Variants in FBXL17 observed in about 807,000 individuals in gnomAD.
The protein encoded by FBXL17 is F-box and leucine rich repeat protein 17, also known as F-box/LRR-repeat protein 17.
FBXL17 carries 22 observed loss-of-function variants against 66.2 expected under a neutral mutation model. The observed-to-expected ratio is 0.33, with a 90% CI of 0.24 to 0.47. The LOEUF (loss-of-function observed/expected upper bound fraction) is 0.47. Among genes scored for constraint, FBXL17 ranks in the 20% least tolerant of loss-of-function variants. The probability of loss-of-function intolerance (pLI) is 1.00; values close to 1 mark genes in which losing one functional copy is unlikely to be tolerated. For missense variants in FBXL17, 878 were observed against 948.2 expected, an observed-to-expected ratio of 0.93 and a Z score of 0.97; for synonymous variants, 474 against 400.5, an observed-to-expected ratio of 1.18 and a Z score of -2.19.
rs1474456848 is a variant in FBXL17, at chr5:108,376,052, A to G, written c.993+4647T>C. On this transcript the variant is annotated intron_variant, in intron 1 of 8. Transcript: ENST00000542267. ...ACATGATCATCTCAACTGATTCAGG[A>G]AAAAGCACTGGACAAAATCTAATAC... 5.3e-5 allele frequency among the ~76,000 whole-genome samples: 8 copies of G among 152,236 alleles called. No individual in the cohort carries two copies. The South Asian group carries it at 1.0e-3, about 20-fold the overall frequency.
At chr5:108,012,785 G>A (rs1001082532) in intron 7 of FBXL17, among the ~76,000 whole-genome samples, 4 of 152,170 alleles carry the variant, frequency 2.6e-5, no homozygotes, top group African/African-American at 9.7e-5. Context: ...GGAGGCCAAG[G>A]CAGGCGGATC....
At chr5:108,032,237 A>G (rs1299849797) in intron 6 of FBXL17, among the ~76,000 whole-genome samples, 1 of 151,470 alleles carries the variant, frequency 6.6e-6, no homozygotes, top group Non-Finnish European at 1.5e-5. Context: ...AATCAAGTCC[A>G]TTTTTTTTTA....
intron 7 of FBXL17, among the ~76,000 whole-genome samples, chr5:107,963,038 C>T (rs1041980589): frequency 7.2e-5 from 11 of 152,068 alleles, no homozygotes; most frequent in Admixed American, 5.2e-4. Context: ...AGGAAAAAAA[C>T]ACTTAAAATA....
At chr5:107,972,931 T>C (rs754826935) in intron 7 of FBXL17, among the ~76,000 whole-genome samples, 1 of 152,214 alleles carries the variant, frequency 6.6e-6, no homozygotes, top group Non-Finnish European at 1.5e-5. Flanking sequence ...ATATGAGTTT[T>C]ACAGCATGCT....
At chr5:108,245,137 T>C (rs889916621) in intron 4 of FBXL17, among the ~76,000 whole-genome samples, 1 of 152,152 alleles carries the variant, frequency 6.6e-6, no homozygotes, top group African/African-American at 2.4e-5. Flanking sequence ...AAATGTATAA[T>C]ATTCCATAAC....
intron 6 of FBXL17, among the ~76,000 whole-genome samples, chr5:108,055,423 A>G (rs1747663019): frequency 6.6e-6 from 1 of 151,108 alleles, no homozygotes; most frequent in Admixed American, 6.6e-5. Context: ...CCTGGCTAAC[A>G]CAGTGAAACT....
At chr5:108,316,237 C>T (rs1321500953) in intron 4 of FBXL17, among the ~76,000 whole-genome samples, 1 of 151,294 alleles carries the variant, frequency 6.6e-6, no homozygotes, top group Non-Finnish European at 1.5e-5. Context: ...AAAACAGTGA[C>T]AAACTGTTAT....
chr5:107,984,917 G>A (rs1752960461), intron 7 of FBXL17, among the ~76,000 whole-genome samples: 1 of 152,144 alleles, frequency 6.6e-6, no homozygotes, highest in Non-Finnish European at 1.5e-5. Flanking sequence ...CTGAAGTTGT[G>A]TATACTTTTC....
chr5:108,163,348 C>A (rs185270284), intron 6 of FBXL17, among the ~76,000 whole-genome samples: 2 of 150,516 alleles, frequency 1.3e-5, no homozygotes, highest in Non-Finnish European at 2.9e-5. Context: ...GACAAATACA[C>A]GAAAATGGGC....
intron 4 of FBXL17, among the ~76,000 whole-genome samples, chr5:108,343,201 T>C (rs1747005304): frequency 6.6e-6 from 1 of 152,194 alleles, no homozygotes; most frequent in Non-Finnish European, 1.5e-5. Flanking sequence ...CAGTTTATAG[T>C]ATTTTGGTAC....
At chr5:108,093,248 T>G (rs1454932380) in intron 6 of FBXL17, among the ~76,000 whole-genome samples, 1 of 151,968 alleles carries the variant, frequency 6.6e-6, no homozygotes, top group African/African-American at 2.4e-5. Context: ...CTACTGTTAT[T>G]ATAATGTTCC....
chr5:108,217,358 AAACAATATATACCCTTGTC>A (rs551782840), intron 5 of FBXL17, among the ~76,000 whole-genome samples: 60 of 152,286 alleles, frequency 3.9e-4, no homozygotes, highest in Admixed American at 2.7e-3. Context: ...TATTATATTG[AAACAATATATACCCTTGTC>A]ATCCTTTTAA....
chr5:108,162,138 G>C (rs1236341552), intron 6 of FBXL17, among the ~76,000 whole-genome samples: 1 of 152,150 alleles, frequency 6.6e-6, no homozygotes. Flanking sequence ...TAAACTATGT[G>C]AAGGTAGGAA....
intron 6 of FBXL17, among the ~76,000 whole-genome samples, chr5:108,032,381 G>C (rs1003973410): frequency 6.6e-6 from 1 of 152,014 alleles, no homozygotes; most frequent in Non-Finnish European, 1.5e-5. Flanking sequence ...TAGGCCGAAC[G>C]GTGACCCCCA....
At chr5:107,921,508 T>A (rs79717434) in intron 7 of FBXL17, among the ~76,000 whole-genome samples, 1 of 152,132 alleles carries the variant, frequency 6.6e-6, no homozygotes, top group African/African-American at 2.4e-5. Flanking sequence ...GCACAGGGCA[T>A]AGATGGTGGC....
chr5:108,381,468 CCGGCGGGGG>C lies in FBXL17; in HGVS notation c.215_223del (p.Ala72_Ala74del). 1 of 1,322,414 alleles carries C rather than the reference CCGGCGGGGG, an allele frequency of 7.6e-7. No homozygotes were observed. Among genetic ancestry groups the C allele is most frequent in the Non-Finnish European group, 9.6e-7 (1 of 1,042,890 alleles). The allele number at this position is 1,322,414 out of a possible 1,614,324, so 81.9% of individuals were successfully genotyped here. On this transcript the variant is annotated inframe_deletion, in exon 1 of 9. Transcript: ENST00000542267. ...CGAGAGCGGCGGCTCCTCCTCTGGG[CCGGCGGGGG>C]CGGGCGCGCCGGGACTGTGCACGAT...
At chr5:108,310,473 G>T (rs1486014719) in intron 4 of FBXL17, among the ~76,000 whole-genome samples, 1 of 152,064 alleles carries the variant, frequency 6.6e-6, no homozygotes, top group Non-Finnish European at 1.5e-5. Flanking sequence ...CAAGTTATCT[G>T]TATCTCAAAA....
intron 7 of FBXL17, among the ~76,000 whole-genome samples, chr5:107,924,587 C>T (rs1485982558): frequency 1.3e-5 from 2 of 152,102 alleles, no homozygotes; most frequent in Non-Finnish European, 2.9e-5. Flanking sequence ...TTGAGGCTGC[C>T]CTAGTCTCCA....
intron 6 of FBXL17, among the ~76,000 whole-genome samples, chr5:108,043,085 A>G (rs1345831157): frequency 1.3e-5 from 2 of 152,180 alleles, no homozygotes; most frequent in Admixed American, 1.3e-4. Flanking sequence ...GTTTTTAATT[A>G]TAAAATTTCA....
Sources: allele counts gnomAD v4.1 joint callset (sites outside exome capture counted in the v4.1 genomes callset), GRCh38; gene constraint gnomAD v4.1.1; transcripts MANE v1.5; gene names NCBI Gene and HGNC (gene_info 2026-07-23, HGNC 2026-07-21).